The following CNTNAP2 variants were observed in gnomAD, a reference collection of about 807,000 sequenced individuals.
CNTNAP2 encodes the protein contactin associated protein 2, also known as contactin-associated protein-like 2.
A neutral mutation model predicts 155.2 loss-of-function variants in CNTNAP2; 98 were observed. The observed-to-expected ratio is 0.63, with a 90% CI of 0.54 to 0.75. CNTNAP2 has a LOEUF of 0.75. Ranked by LOEUF, CNTNAP2 falls within the 30% of genes least tolerant of loss-of-function variation. The pLI, the probability that CNTNAP2 is intolerant of heterozygous loss-of-function variation, is 0.00. For synonymous variants in CNTNAP2, 651 were observed against 631.2 expected, an observed-to-expected ratio of 1.03 and a Z score of -0.47; for missense variants, 1,727 against 1,688.1, an observed-to-expected ratio of 1.02 and a Z score of -0.40.
At chr7:147,058,131 CT>C (rs1799597438) in intron 4 of CNTNAP2, among the ~76,000 whole-genome samples, 1 of 152,120 alleles carries the variant, frequency 6.6e-6, no homozygotes, top group African/African-American at 2.4e-5. Flanking sequence ...AGGATATCAT[CT>C]TTTCAACCAG....
chr7:147,865,592 C>T (rs1799212897), intron 13 of CNTNAP2, among the ~76,000 whole-genome samples: 4 of 152,068 alleles, frequency 2.6e-5, no homozygotes, highest in Admixed American at 2.6e-4. Flanking sequence ...TTAATTATTG[C>T]CTCAATTTCA....
intron 1 of CNTNAP2, among the ~76,000 whole-genome samples, chr7:146,345,057 A>T (rs184282483): frequency 6.6e-6 from 1 of 152,296 alleles, no homozygotes; most frequent in East Asian, 1.9e-4. Flanking sequence ...TGGATTTAAA[A>T]TTTAGCAAAC....
chr7:147,042,480 A>T (rs1234947543), intron 3 of CNTNAP2, among the ~76,000 whole-genome samples: 1 of 152,152 alleles, frequency 6.6e-6, no homozygotes, highest in Non-Finnish European at 1.5e-5. Context: ...ATCTACTACA[A>T]ACTTGCATTT....
intron 8 of CNTNAP2, among the ~76,000 whole-genome samples, chr7:147,256,342 G>A (rs1055807150): frequency 3.3e-5 from 5 of 152,094 alleles, no homozygotes; most frequent in African/African-American, 1.2e-4. Flanking sequence ...CCTACCGAAG[G>A]GGTGTTGAGA....
At chr7:146,647,176 A>C (rs1221688653) in intron 1 of CNTNAP2, among the ~76,000 whole-genome samples, 2 of 152,168 alleles carry the variant, frequency 1.3e-5, no homozygotes, top group Non-Finnish European at 2.9e-5. Flanking sequence ...GGAGGAATCC[A>C]GCAATGCTAC....
At chr7:147,586,523 G>GAGGAAGGAAGGAAGGAAGGA (rs1554408296) in intron 12 of CNTNAP2, among the ~76,000 whole-genome samples, 1 of 42,008 alleles carries the variant, frequency 2.4e-5, no homozygotes, top group African/African-American at 1.5e-4. Flanking sequence ...AGAGAGAGAA[G>GAGGAAGGAAGGAAGGAAGGA]AGGAAGGAAG....
At chr7:147,683,057 T>A (rs547996911) in intron 13 of CNTNAP2, among the ~76,000 whole-genome samples, 1 of 151,860 alleles carries the variant, frequency 6.6e-6, no homozygotes, top group Non-Finnish European at 1.5e-5. Context: ...GAATAAGAAT[T>A]AAAATTCTAT....
At position 147,423,592 on chromosome 7, in the gene CNTNAP2, C is replaced by T. The variant is rs181652384; in HGVS notation, c.1670+27812C>T. ...AATGCCTGGTTCACTGCTCCATGATCCAATAACCCTCTTGTAGTATTCTTT... is the reference window on the plus strand; with the variant it reads ...AATGCCTGGTTCACTGCTCCATGATTCAATAACCCTCTTGTAGTATTCTTT... On this transcript the variant is annotated intron_variant, in intron 10 of 23. Coordinates refer to ENST00000361727, the MANE Select transcript of CNTNAP2 (RefSeq NM_014141.6). Among the ~76,000 whole-genome samples, 9 of 152,268 alleles carry T rather than the reference C, an allele frequency of 5.9e-5. No homozygotes were observed. The East Asian group carries it at 1.5e-3, about 26-fold the overall frequency.
At chr7:147,866,765 T>TTTGTTGTTGTTG (rs201107896) in intron 13 of CNTNAP2, among the ~76,000 whole-genome samples, 46 of 151,594 alleles carry the variant, frequency 3.0e-4, no homozygotes, top group African/African-American at 9.4e-4. Context: ...TTTTTTGTTT[T>TTTGTTGTTGTTG]TTGTTGTTGT....
chr7:147,266,889 T>C (rs749196976), intron 8 of CNTNAP2, among the ~76,000 whole-genome samples: 18 of 152,256 alleles, frequency 1.2e-4, no homozygotes, highest in Non-Finnish European at 2.1e-4. Context: ...AGAATACTTA[T>C]TTCATTTTCT....
At chr7:147,188,615 T>G (rs1802616523) in intron 8 of CNTNAP2, among the ~76,000 whole-genome samples, 1 of 152,186 alleles carries the variant, frequency 6.6e-6, no homozygotes, top group Admixed American at 6.5e-5. Flanking sequence ...TTTCTTTGGT[T>G]GTCCCTCAAA....
intron 4 of CNTNAP2, among the ~76,000 whole-genome samples, chr7:147,080,624 T>G (rs1391256405): frequency 6.7e-6 from 1 of 149,090 alleles, no homozygotes; most frequent in African/African-American, 2.4e-5. Context: ...GAATTTTATA[T>G]ATATAACATA....
chr7:147,318,173 G>A (rs1646157052), intron 9 of CNTNAP2, among the ~76,000 whole-genome samples: 1 of 152,104 alleles, frequency 6.6e-6, no homozygotes, highest in Non-Finnish European at 1.5e-5. Flanking sequence ...TGGGCGTTGT[G>A]GCTCACACCT....
chr7:148,326,631 C>A (rs1797892704), intron 21 of CNTNAP2, among the ~76,000 whole-genome samples: 2 of 152,082 alleles, frequency 1.3e-5, no homozygotes, highest in Admixed American at 6.5e-5. Flanking sequence ...CTTTCGGAGG[C>A]CAAGGCGGGC....
At position 147,740,004 on chromosome 7, in the gene CNTNAP2, G is replaced by C. The variant is rs181007754; in HGVS notation, c.2098+100698G>C. ...ACAGCTTTCTCTGCCCACAACTCCA[G>C]GTGTCTGTGTAGCTTTGACTGGCAT... On this transcript the variant is annotated intron_variant, in intron 13 of 23. Transcript: ENST00000361727. Among the ~76,000 whole-genome samples the C allele has an allele frequency of 1.2e-4, 18 of 152,252 alleles. No individual in the cohort carries two copies. In the East Asian group the frequency reaches 3.3e-3, roughly 28 times the overall value.
chr7:147,056,423 A>G (rs1799562328), intron 4 of CNTNAP2, among the ~76,000 whole-genome samples: 1 of 152,150 alleles, frequency 6.6e-6, no homozygotes, highest in African/African-American at 2.4e-5. Context: ...AGAAAATATA[A>G]TTATTTCCCC....
rs115708826 is a variant in CNTNAP2, at chr7:147,605,629, T to A, written c.1898-33477T>A. On this transcript the variant is annotated intron_variant, in intron 12 of 23. Coordinates refer to ENST00000361727, the MANE Select transcript of CNTNAP2 (RefSeq NM_014141.6). ...ATATAAATCCATCTTCCCTAGTTGA[T>A]GAGATTCCCAGAGAGACAATTCATG... Among the ~76,000 whole-genome samples the A allele has an allele frequency of 3.4e-3, 524 of 152,116 alleles. 3 individuals carry two copies. The highest frequency in any genetic ancestry group is 0.012 in the African/African-American group (507 of 41,518).
chr7:147,777,527 A>G (rs374672570), intron 13 of CNTNAP2, among the ~76,000 whole-genome samples: 7 of 152,162 alleles, frequency 4.6e-5, no homozygotes, highest in Admixed American at 3.3e-4. Context: ...GGTCAGCCCT[A>G]TAGGGCAGCA....
chr7:146,928,162 G>GT (rs572330456), intron 3 of CNTNAP2, among the ~76,000 whole-genome samples: 176 of 152,102 alleles, frequency 1.2e-3, no homozygotes, highest in African/African-American at 3.3e-3. Context: ...ACAATGACCA[G>GT]TGTAAAAATA....
Sources: gnomAD v4.1 joint callset for allele counts (sites outside exome capture counted in the v4.1 genomes callset) on GRCh38, gnomAD v4.1.1 for gene constraint, MANE v1.5 for transcripts, NCBI Gene and HGNC (gene_info 2026-07-23, HGNC 2026-07-21) for gene names.